The following GSAP variants were observed in gnomAD, a reference collection of about 807,000 sequenced individuals.
The protein encoded by GSAP is gamma-secretase-activating protein.
Under a neutral mutation model 131.7 loss-of-function variants are expected in GSAP, and 118 were observed. That is an observed-to-expected ratio of 0.90 (90% CI 0.77 to 1.04). The LOEUF (loss-of-function observed/expected upper bound fraction) is 1.04. GSAP is among the 50% of genes least tolerant of loss of function. The pLI, the probability that GSAP is intolerant of heterozygous loss-of-function variation, is 0.00. For missense variants in GSAP, 1,019 were observed against 1,013.2 expected (o/e 1.01, Z -0.08); for synonymous variants, 381 against 363.4 (o/e 1.05, Z -0.55).
In GSAP at chr7:77,349,318, C is replaced by G. The variant is rs1385430209; in HGVS notation, c.1545+33G>C. 10 of 1,495,654 alleles carry G rather than the reference C, an allele frequency of 6.7e-6. No individual in the cohort carries two copies. The Admixed American group carries it at 1.7e-4, about 25-fold the overall frequency. 92.6% of individuals were successfully genotyped at this position (1,495,654 alleles called of 1,614,324 possible). On this transcript the variant is annotated intron_variant, in intron 19 of 30. Coordinates refer to ENST00000257626, the MANE Select transcript of GSAP (RefSeq NM_017439.4). ...AGGCAGCAGAGCTTTAGTCATGTAT[C>G]TGTACTTTTGTTTCTTGCTGTAAGG...
At chr7:77,328,694 G>T in intron 21 of GSAP, 57 bp from the exon 22 acceptor site, 1 of 1,023,730 alleles carries the variant, frequency 9.8e-7, no homozygotes, top group Non-Finnish European at 1.5e-6. Context: ...AAAATTTAAA[G>T]CCACATCATA....
chr7:77,313,423 A>G, intron 28 of GSAP, 65 bp downstream of exon 28: 1 of 816,634 alleles, frequency 1.2e-6, no homozygotes, highest in East Asian at 2.5e-5. Context: ...CTCTTTTTGC[A>G]AGAAGAAATT....
intron 8 of GSAP, among the ~76,000 whole-genome samples, chr7:77,378,441 A>AC (rs1797292447): frequency 6.6e-6 from 1 of 152,016 alleles, no homozygotes; most frequent in Admixed American, 6.6e-5. Context: ...CCAAGATCCC[A>AC]CCACTGCACT....
chr7:77,377,374 C>T lies in GSAP; in HGVS notation c.593G>A (p.Gly198Asp). The change falls in exon 9 of 31, where the codon GGC becomes GAC. Residue 198 changes from glycine (G) to aspartate (D), a missense_variant. Coordinates refer to ENST00000257626, the MANE Select transcript of GSAP (RefSeq NM_017439.4). ...DGNRVVIKNS[G>D]HLPRDRIAED... Reference sequence around the variant, plus strand: ...AGCTATTCTGTCTCTTGGGAGATGGCCAGAATTTTTAATCACCTAAAAATG... The same window carrying T: ...AGCTATTCTGTCTCTTGGGAGATGGTCAGAATTTTTAATCACCTAAAAATG... The T allele has an allele frequency of 1.3e-6, 2 of 1,542,344 alleles. No individual in the cohort carries two copies. Among genetic ancestry groups the T allele is most frequent in the Admixed American group, 2.0e-5 (1 of 49,292 alleles).
In GSAP at chr7:77,320,833, A is replaced by G; in HGVS notation, c.1995-14T>C. On this transcript the variant is annotated splice_polypyrimidine_tract_variant and intron_variant, in intron 25 of 30. Coordinates refer to ENST00000257626, the MANE Select transcript of GSAP (RefSeq NM_017439.4). ...CCACGACTATTGCTGGGTAAAAAAA[A>G]CAAAGCAGCATGTCAGCCAAGGAGC... The G allele has an allele frequency of 5.2e-6, 8 of 1,541,342 alleles. No homozygotes were observed. Among genetic ancestry groups the G allele is most frequent in the Non-Finnish European group, 7.2e-6 (8 of 1,113,960 alleles).
At chr7:77,394,336 C>T (rs185369893) in intron 5 of GSAP, among the ~76,000 whole-genome samples, 21 of 152,274 alleles carry the variant, frequency 1.4e-4, no homozygotes, top group Middle Eastern at 3.4e-3. Flanking sequence ...CCTTGAACAG[C>T]GAGTCTACCA....
intron 3 of GSAP, among the ~76,000 whole-genome samples, chr7:77,402,070 A>G (rs2151161701): frequency 6.6e-6 from 1 of 152,296 alleles, no homozygotes; most frequent in Middle Eastern, 3.4e-3. Flanking sequence ...TACACAGGAC[A>G]TTACTCTACT....
At chr7:77,355,786 C>T (rs1409992246) in intron 14 of GSAP, 139 bp from the exon 15 acceptor site, 25 of 305,356 alleles carry the variant, frequency 8.2e-5, no homozygotes, top group Non-Finnish European at 1.2e-4. Context: ...AATGACAGCC[C>T]GTTTTTTTTT....
intron 19 of GSAP, among the ~76,000 whole-genome samples, chr7:77,343,906 T>C (rs1156309193): frequency 6.6e-6 from 1 of 152,182 alleles, no homozygotes; most frequent in East Asian, 1.9e-4. Context: ...AAATCACTTC[T>C]CAGTGTTCCA....
At chr7:77,405,965 A>G in intron 2 of GSAP, 64 bp downstream of exon 2, 1 of 606,814 alleles carries the variant, frequency 1.6e-6, no homozygotes, top group Non-Finnish European at 2.5e-6. Flanking sequence ...GTAAAAAGAG[A>G]ATATAAATGA....
At chr7:77,382,020 A>C (rs1224647319) in intron 7 of GSAP, among the ~76,000 whole-genome samples, 1 of 148,050 alleles carries the variant, frequency 6.8e-6, no homozygotes, top group Non-Finnish European at 1.5e-5. Flanking sequence ...TGCAAAAGAC[A>C]GCTTACTAGA....
At chr7:77,358,827 A>G (rs1435256814) in intron 14 of GSAP, among the ~76,000 whole-genome samples, 1 of 152,212 alleles carries the variant, frequency 6.6e-6, no homozygotes, top group African/African-American at 2.4e-5. Context: ...CCTCTAAACA[A>G]AACACTTGAT....
chr7:77,413,333 C>A (rs1437995420), intron 1 of GSAP, among the ~76,000 whole-genome samples: 1 of 152,186 alleles, frequency 6.6e-6, no homozygotes, highest in Non-Finnish European at 1.5e-5. Flanking sequence ...TTCACGTGGT[C>A]CATACCCAAA....
intron 12 of GSAP, among the ~76,000 whole-genome samples, chr7:77,371,481 C>G (rs984591440): frequency 6.9e-6 from 1 of 145,868 alleles, no homozygotes; most frequent in African/African-American, 2.5e-5. Context: ...GTTGTCCATG[C>G]TGGAGTGCAG....
chr7:77,387,392 G>A lies in GSAP; in HGVS notation c.424C>T (p.Leu142=). The A allele has an allele frequency of 6.2e-7, 1 of 1,601,038 alleles. No individual in the cohort carries two copies. Among genetic ancestry groups the A allele is most frequent in the Non-Finnish European group, 8.6e-7 (1 of 1,168,164 alleles). ...EIHPVNNVKV[L]KAVDSYIWVQ... is the part of the protein sequence containing the mutation. ...CAAATATAGCTATCCACAGCCTTTAGAACCTTCACATTGTTAACAGGGTGG... is the reference window on the plus strand; with the variant it reads ...CAAATATAGCTATCCACAGCCTTTAAAACCTTCACATTGTTAACAGGGTGG... The change falls in exon 6 of 31, where the codon CTA becomes TTA. Residue 142 remains leucine, a synonymous_variant. Transcript: ENST00000257626.
intron 9 of GSAP, among the ~76,000 whole-genome samples, 168 bp downstream of exon 9, chr7:77,377,118 G>C: frequency 6.6e-6 from 1 of 151,542 alleles, no homozygotes; most frequent in Non-Finnish European, 1.5e-5. Flanking sequence ...TTAGGAGCCT[G>C]AGGCAGGTGC....
At chr7:77,387,484 G>A (rs371766564) in intron 5 of GSAP, 36 bp from the exon 6 acceptor site, 14 of 1,056,038 alleles carry the variant, frequency 1.3e-5, no homozygotes, top group African/African-American at 1.2e-4. Context: ...AACGAAGATT[G>A]TAATATCACA....
intron 14 of GSAP, among the ~76,000 whole-genome samples, chr7:77,360,222 A>G (rs1456500411): frequency 6.6e-6 from 1 of 152,246 alleles, no homozygotes; most frequent in Non-Finnish European, 1.5e-5. Flanking sequence ...ATCATTACTT[A>G]GTCTTGTGCT....
At chr7:77,399,275 G>C (rs1800931577) in intron 3 of GSAP, among the ~76,000 whole-genome samples, 1 of 152,154 alleles carries the variant, frequency 6.6e-6, no homozygotes, top group Non-Finnish European at 1.5e-5. Flanking sequence ...ACAGAATGGG[G>C]TGTTACTTCA....
Sources: gnomAD v4.1 joint callset for allele counts (sites outside exome capture counted in the v4.1 genomes callset) on GRCh38, gnomAD v4.1.1 for gene constraint, MANE v1.5 for transcripts, NCBI Gene and HGNC (gene_info 2026-07-23, HGNC 2026-07-21) for gene names.